ARHGAP10: variants seen among roughly 807,000 people sequenced by gnomAD.
The protein encoded by ARHGAP10 is rho GTPase-activating protein 10.
A neutral mutation model predicts 108.6 loss-of-function variants in ARHGAP10; 87 were observed. The observed-to-expected ratio is 0.80, with a 90% CI of 0.67 to 0.96. ARHGAP10 has a LOEUF of 0.96. ARHGAP10 is among the 40% of genes least tolerant of loss of function. The pLI is 0.00. For synonymous variants in ARHGAP10, 347 were observed against 341.1 expected (o/e 1.02, Z -0.19); for missense variants, 939 against 954.5 (o/e 0.98, Z 0.21).
chr4:147,915,011 A>G (rs1385779896), intron 13 of ARHGAP10, among the ~76,000 whole-genome samples: 1 of 152,148 alleles, frequency 6.6e-6, no homozygotes, highest in African/African-American at 2.4e-5. Context: ...GGAATATTTA[A>G]TTCACTCTCA....
chr4:147,854,611 A>C (rs1396118702), intron 4 of ARHGAP10: 1 of 795,752 alleles, frequency 1.3e-6, no homozygotes, highest in Admixed American at 6.3e-5. Context: ...TTGGGGGAAA[A>C]AAAAAGCTCC....
chr4:148,015,407 G>GA (rs1741309757), intron 18 of ARHGAP10, among the ~76,000 whole-genome samples: 1 of 152,198 alleles, frequency 6.6e-6, no homozygotes, highest in African/African-American at 2.4e-5. Flanking sequence ...GCTCAACTGT[G>GA]AAATAATGGG....
intron 1 of ARHGAP10, among the ~76,000 whole-genome samples, chr4:147,795,098 T>G (rs958539215): frequency 6.6e-6 from 1 of 152,188 alleles, no homozygotes; most frequent in Non-Finnish European, 1.5e-5. Context: ...GTTTTTTTCC[T>G]TAGAGACAGG....
chr4:148,058,149 T>C (rs1729442224), intron 20 of ARHGAP10, among the ~76,000 whole-genome samples: 1 of 152,234 alleles, frequency 6.6e-6, no homozygotes, highest in Non-Finnish European at 1.5e-5. Flanking sequence ...CTGTCTTTAT[T>C]AACATTTTCA....
chr4:147,949,515 T>C lies in ARHGAP10; in HGVS notation c.1391+2811T>C, dbSNP rs371155697. 3.3e-5 allele frequency among the ~76,000 whole-genome samples: 5 copies of C among 152,230 alleles called. No homozygotes were observed. The East Asian group carries it at 5.8e-4, about 18-fold the overall frequency. ...GCTGGTTTGCAGTGCTCCTGGCATC[T>C]GGTGGCATCTGACATCCTGCAGTAC... On this transcript the variant is annotated intron_variant, in intron 15 of 22. Transcript: ENST00000336498.
chr4:147,953,708 G>T (rs1738692038), intron 15 of ARHGAP10, among the ~76,000 whole-genome samples: 1 of 151,706 alleles, frequency 6.6e-6, no homozygotes, highest in South Asian at 2.1e-4. Flanking sequence ...ATATGGTTTT[G>T]GATTAATTTA....
intron 10 of ARHGAP10, among the ~76,000 whole-genome samples, chr4:147,888,513 T>A (rs549556890): frequency 2.7e-4 from 41 of 152,354 alleles, no homozygotes; most frequent in African/African-American, 9.4e-4. Context: ...TGTAAATCTT[T>A]ATTTTTTCTT....
chr4:147,947,995 C>T (rs1254409151), intron 15 of ARHGAP10, among the ~76,000 whole-genome samples: 13 of 146,594 alleles, frequency 8.9e-5, no homozygotes, highest in Non-Finnish European at 1.8e-4. Flanking sequence ...GGCTGGAGTG[C>T]GATGGCACAA....
At chr4:147,879,961 C>T (rs17024031) in intron 9 of ARHGAP10, among the ~76,000 whole-genome samples, 6,445 of 152,218 alleles carry the variant, frequency 0.042, 429 homozygotes, top group African/African-American at 0.15. Flanking sequence ...GAGTGATCTA[C>T]GATAAATTTT....
chr4:147,784,887 T>TTATAAAATATATATTATAAATATAA (rs1730811880), intron 1 of ARHGAP10, among the ~76,000 whole-genome samples: 1 of 118,562 alleles, frequency 8.4e-6, no homozygotes, highest in African/African-American at 3.3e-5. Flanking sequence ...TATAAATATA[T>TTATAAAATATATATTATAAATATAA]TATAAAATAT....
chr4:147,898,893 A>G (rs1186010110), intron 10 of ARHGAP10, among the ~76,000 whole-genome samples: 2 of 152,214 alleles, frequency 1.3e-5, no homozygotes, highest in South Asian at 2.1e-4. Flanking sequence ...GTGAGAACTC[A>G]ATCACTATCA....
rs137887892 is a variant in ARHGAP10, at chr4:148,067,305, A to G, written c.2272+2798A>G. ...AGGGTTTATCTGTGTGTGTGTTTGC[A>G]CCTTACATCTTCTGTGCATAGTTGA... is the stretch of plus-strand genomic sequence containing the variant. On this transcript the variant is annotated intron_variant, in intron 22 of 22. Coordinates refer to ENST00000336498, the MANE Select transcript of ARHGAP10 (RefSeq NM_024605.4). Among the ~76,000 whole-genome samples, 475 of 152,356 alleles carry G rather than the reference A, an allele frequency of 3.1e-3. 4 individuals carry two copies. The highest frequency in any genetic ancestry group is 0.014 in the Middle Eastern group (4 of 294).
At chr4:147,753,118 T>C (rs749177447) in intron 1 of ARHGAP10, among the ~76,000 whole-genome samples, 14 of 152,198 alleles carry the variant, frequency 9.2e-5, no homozygotes, top group Non-Finnish European at 1.8e-4. Flanking sequence ...TTTCAGAGTT[T>C]AGCCAGTAAA....
chr4:147,903,606 C>G (rs926833623), intron 10 of ARHGAP10, among the ~76,000 whole-genome samples: 1 of 152,156 alleles, frequency 6.6e-6, no homozygotes, highest in Non-Finnish European at 1.5e-5. Context: ...TTGTGCTCCA[C>G]CTGTTCATCC....
chr4:147,931,113 T>A (rs1440005384), intron 13 of ARHGAP10, among the ~76,000 whole-genome samples: 2 of 152,174 alleles, frequency 1.3e-5, no homozygotes, highest in Non-Finnish European at 2.9e-5. Flanking sequence ...TAGGAAGATG[T>A]GGGTGATGTG....
At chr4:147,806,457 C>T (rs1731787457) in intron 1 of ARHGAP10, among the ~76,000 whole-genome samples, 1 of 149,282 alleles carries the variant, frequency 6.7e-6, no homozygotes, top group Non-Finnish European at 1.5e-5. Context: ...TTATATAGTA[C>T]CAGATTAAGT....
At chr4:147,886,925 T>C (rs1166852090) in intron 10 of ARHGAP10, among the ~76,000 whole-genome samples, 1 of 152,066 alleles carries the variant, frequency 6.6e-6, no homozygotes, top group Non-Finnish European at 1.5e-5. Flanking sequence ...TGTGTGCCAC[T>C]ATACCTGACT....
chr4:147,966,648 T>A (rs749391583), intron 17 of ARHGAP10, 32 bp from the exon 18 acceptor site: 2 of 1,521,890 alleles, frequency 1.3e-6, no homozygotes, highest in Non-Finnish European at 1.8e-6. Context: ...CTCCTTTGGT[T>A]AAACAGATTC....
intron 3 of ARHGAP10, among the ~76,000 whole-genome samples, chr4:147,831,920 C>T (rs1258262752): frequency 6.6e-6 from 1 of 152,214 alleles, no homozygotes; most frequent in African/African-American, 2.4e-5. Context: ...TCAGTGTCCT[C>T]TCTGTTGGTG....
Sources: allele counts gnomAD v4.1 joint callset (sites outside exome capture counted in the v4.1 genomes callset), GRCh38; gene constraint gnomAD v4.1.1; transcripts MANE v1.5; gene names NCBI Gene and HGNC (gene_info 2026-07-23, HGNC 2026-07-21).